Variants in HPF1 observed in about 807,000 individuals in gnomAD.
HPF1 encodes histone PARylation factor 1.
A neutral mutation model predicts 38.8 loss-of-function variants in HPF1; 35 were observed. That is an observed-to-expected ratio of 0.90 (90% CI 0.69 to 1.19). HPF1 has a LOEUF of 1.19. Among genes scored for constraint, HPF1 ranks in the 50% most tolerant of loss-of-function variants. The probability of loss-of-function intolerance (pLI) is 0.00; values close to 1 mark genes in which losing one functional copy is unlikely to be tolerated. For missense variants in HPF1, 367 were observed against 405.8 expected, an observed-to-expected ratio of 0.90 and a Z score of 0.82; for synonymous variants, 115 against 139.2, an observed-to-expected ratio of 0.83 and a Z score of 1.22.
At chr4:169,739,669 G>T (rs1581315890) in intron 5 of HPF1, among the ~76,000 whole-genome samples, 2 of 152,156 alleles carry the variant, frequency 1.3e-5, no homozygotes. Context: ...AACCAGATAA[G>T]TATGAGAATA....
intron 6 of HPF1, among the ~76,000 whole-genome samples, chr4:169,735,150 G>A (rs1334666278): frequency 3.3e-5 from 5 of 149,646 alleles, no homozygotes; most frequent in African/African-American, 1.2e-4. Context: ...AAAGAAGAAA[G>A]AAAGAAAAAA....
At position 169,757,822 on chromosome 4, in the gene HPF1, G is replaced by C; in HGVS notation, c.48+8C>G. 1 of 1,561,980 alleles carries C rather than the reference G, an allele frequency of 6.4e-7. No homozygotes were observed. The highest frequency in any genetic ancestry group is 8.6e-7 in the Non-Finnish European group (1 of 1,160,714). On this transcript the variant is annotated splice_region_variant and intron_variant, in intron 1 of 7. Transcript: ENST00000393381. ...CCCGCGTAGCCCGCACAGCCTTTCC[G>C]GCAGTACCTGCGGCCCCTCTCCGCC...
intron 2 of HPF1, among the ~76,000 whole-genome samples, chr4:169,752,841 C>T (rs1314073167): frequency 6.6e-6 from 1 of 152,124 alleles, no homozygotes; most frequent in African/African-American, 2.4e-5. Flanking sequence ...ATAACTCCTG[C>T]AACACATGAA....
intron 3 of HPF1, among the ~76,000 whole-genome samples, chr4:169,749,595 T>C (rs575182954): frequency 1.3e-5 from 2 of 151,716 alleles, no homozygotes; most frequent in East Asian, 3.9e-4. Flanking sequence ...AGGGCATTTT[T>C]AAAAAAATTC....
At chr4:169,730,613 T>C (rs934939531) in intron 7 of HPF1, among the ~76,000 whole-genome samples, 4 of 152,192 alleles carry the variant, frequency 2.6e-5, no homozygotes, top group African/African-American at 7.2e-5. Flanking sequence ...TAGAACTCAA[T>C]CAAACTTGGG....
At position 169,743,105 on chromosome 4, in the gene HPF1, A is replaced by AC. The variant is rs1553978045; in HGVS notation, c.498-999dup. 1.5e-3 allele frequency among the ~76,000 whole-genome samples: 226 copies of AC among 151,648 alleles called. 2 individuals carry two copies. The highest frequency in any genetic ancestry group is 5.2e-3 in the African/African-American group (213 of 41,310). The stretch of plus-strand genomic sequence containing the variant: ...GCCTAAGACTGCCTCAAAAAAAAAA[A>AC]CAAAAAACTGTCTTTTTTTCCGAGA... On this transcript the variant is annotated intron_variant, in intron 4 of 7. Transcript: ENST00000393381.
chr4:169,742,752 A>G (rs1733991834), intron 4 of HPF1, among the ~76,000 whole-genome samples: 2 of 152,142 alleles, frequency 1.3e-5, no homozygotes, highest in African/African-American at 4.8e-5. Flanking sequence ...AGATCGCGCC[A>G]CTGCACTCCA....
chr4:169,754,332 C>A (rs1454224672), intron 1 of HPF1, among the ~76,000 whole-genome samples: 2 of 152,170 alleles, frequency 1.3e-5, no homozygotes, highest in Non-Finnish European at 2.9e-5. Flanking sequence ...AGATACCTCC[C>A]TTTTGATTTT....
At chr4:169,738,173 T>G (rs1384988056) in intron 5 of HPF1, among the ~76,000 whole-genome samples, 3 of 152,180 alleles carry the variant, frequency 2.0e-5, no homozygotes, top group African/African-American at 7.2e-5. Flanking sequence ...AGGACAGAAC[T>G]CCTCTCATCC....
intron 7 of HPF1, among the ~76,000 whole-genome samples, chr4:169,730,949 C>T (rs1733820664): frequency 6.6e-6 from 1 of 152,138 alleles, no homozygotes; most frequent in Non-Finnish European, 1.5e-5. Flanking sequence ...GACTTGGTTA[C>T]AAAGTAGGTT....
In HPF1 at chr4:169,731,808, C is replaced by G; in HGVS notation, c.805G>C (p.Ala269Pro). The G allele has an allele frequency of 6.2e-7, 1 of 1,610,872 alleles. No individual in the cohort carries two copies. Among genetic ancestry groups the G allele is most frequent in the Non-Finnish European group, 8.5e-7 (1 of 1,178,962 alleles). ...AAAGTCATCATTTCCTGAATGGGAG[C>G]AAAAGCTTTTAGTCTCTCCTCATCA... is the stretch of plus-strand genomic sequence containing the variant. Reference protein sequence around the residue: ...ASDEERLKAFAPIQEMMTFVQ... With the variant: ...ASDEERLKAFPPIQEMMTFVQ... Residue 269 changes from alanine (A) to proline (P), a missense_variant, in exon 7 of 8, where the codon GCT becomes CCT. Coordinates refer to ENST00000393381, the MANE Select transcript of HPF1 (RefSeq NM_017867.3).
Position 169,731,883 on chromosome 4 carries a change from G to A in HPF1, c.737-7C>T. The stretch of plus-strand genomic sequence containing the variant: ...CAAATTCTCTTGAGGTCAGCTGAAA[G>A]AAATCAATAATATAAAAGATTATCT... On this transcript the variant is annotated splice_polypyrimidine_tract_variant and splice_region_variant and intron_variant, in intron 6 of 7. Transcript: ENST00000393381. The A allele has an allele frequency of 6.2e-7, 1 of 1,602,836 alleles. No homozygotes were observed. The highest frequency in any genetic ancestry group is 8.5e-7 in the Non-Finnish European group (1 of 1,170,274).
At chr4:169,732,895 G>A (rs762298842) in intron 6 of HPF1, among the ~76,000 whole-genome samples, 3 of 152,208 alleles carry the variant, frequency 2.0e-5, no homozygotes, top group South Asian at 2.1e-4. Flanking sequence ...GAGGATGTGC[G>A]TAAGTTATGC....
At chr4:169,745,501 A>T (rs1368251029) in intron 4 of HPF1, among the ~76,000 whole-genome samples, 1 of 152,230 alleles carries the variant, frequency 6.6e-6, no homozygotes, top group African/African-American at 2.4e-5. Context: ...CACTCTTTCT[A>T]AAAGTGGGGA....
chr4:169,737,004 C>A (rs1733904506), intron 6 of HPF1, among the ~76,000 whole-genome samples: 1 of 152,108 alleles, frequency 6.6e-6, no homozygotes, highest in South Asian at 2.1e-4. Flanking sequence ...AAAATGTTCA[C>A]AAAGAACCAT....
chr4:169,743,447 G>T (rs1734006494), intron 4 of HPF1, among the ~76,000 whole-genome samples: 1 of 116,894 alleles, frequency 8.6e-6, no homozygotes, highest in Non-Finnish European at 1.6e-5. Flanking sequence ...TTTTTAAAGA[G>T]ACAGGACACT....
intron 6 of HPF1, among the ~76,000 whole-genome samples, chr4:169,735,725 C>CAG (rs1406635645): frequency 3.3e-5 from 5 of 152,016 alleles, no homozygotes; most frequent in Non-Finnish European, 7.4e-5. Context: ...TCTCTGTGAG[C>CAG]AGAGACATGA....
chr4:169,736,698 T>C (rs1733899516), intron 6 of HPF1, among the ~76,000 whole-genome samples: 1 of 152,174 alleles, frequency 6.6e-6, no homozygotes, highest in Admixed American at 6.5e-5. Flanking sequence ...GACGGCCAAA[T>C]ACGTGCATTG....
chr4:169,743,866 T>C (rs193071469), intron 4 of HPF1, among the ~76,000 whole-genome samples: 111 of 151,592 alleles, frequency 7.3e-4, no homozygotes, highest in African/African-American at 2.6e-3. Flanking sequence ...CTTAGCTTCA[T>C]TGTACTTATC....
Sources: gnomAD v4.1 joint callset for allele counts (sites outside exome capture counted in the v4.1 genomes callset) on GRCh38, gnomAD v4.1.1 for gene constraint, MANE v1.5 for transcripts, NCBI Gene and HGNC (gene_info 2026-07-23, HGNC 2026-07-21) for gene names.